The following RC3H2 variants were observed in gnomAD, a reference collection of about 807,000 sequenced individuals.
The protein encoded by RC3H2 is ring finger and CCCH-type domains 2.
A neutral mutation model predicts 133.3 loss-of-function variants in RC3H2; 31 were observed. The ratio of observed to expected loss-of-function variants is 0.23; its 90% confidence interval spans 0.17 to 0.31. The LOEUF (loss-of-function observed/expected upper bound fraction) is 0.31, where lower values mean the gene tolerates loss of function less well. RC3H2 is among the 10% of genes least tolerant of loss of function. RC3H2 has a pLI of 1.00. For missense variants in RC3H2, 1,175 were observed against 1,437.2 expected (o/e 0.82, Z 2.95); for synonymous variants, 517 against 502.2 (o/e 1.03, Z -0.40).
Position 122,877,401 on chromosome 9 carries a change from A to G in RC3H2, c.1325+70T>C, listed in dbSNP as rs943574376. Reference sequence around the variant, plus strand: ...ATTTTTGAAAGTCATCACAAACTTCAGGACTGTATATAACATTCCCATAAA... The same window carrying G: ...ATTTTTGAAAGTCATCACAAACTTCGGGACTGTATATAACATTCCCATAAA... On this transcript the variant is annotated intron_variant, in intron 9 of 20. Coordinates refer to ENST00000357244, the MANE Select transcript of RC3H2 (RefSeq NM_001100588.3). 1.2e-5 allele frequency: 15 copies of G among 1,203,718 alleles called. No homozygotes were observed. In the Admixed American group the frequency reaches 2.6e-4, roughly 21 times the overall value. 74.6% of individuals were successfully genotyped at this position (1,203,718 alleles called of 1,614,324 possible).
At chr9:122,898,550 G>C in intron 1 of RC3H2, among the ~76,000 whole-genome samples, 1 of 152,060 alleles carries the variant, frequency 6.6e-6, no homozygotes, top group Non-Finnish European at 1.5e-5. Context: ...AGGAGCTTGA[G>C]AACAGCCTGA....
chr9:122,871,940 C>T (rs954985068), intron 9 of RC3H2, among the ~76,000 whole-genome samples: 1 of 151,882 alleles, frequency 6.6e-6, no homozygotes, highest in Non-Finnish European at 1.5e-5. Context: ...CCATGCCCAG[C>T]CAATTTTTTT....
intron 9 of RC3H2, among the ~76,000 whole-genome samples, chr9:122,868,476 T>C (rs1342168252): frequency 1.4e-4 from 21 of 151,624 alleles, no homozygotes; most frequent in Non-Finnish European, 3.0e-4. Flanking sequence ...ATGTGCTGTG[T>C]CCACTCAGGG....
intron 10 of RC3H2, among the ~76,000 whole-genome samples, chr9:122,863,059 T>C (rs1422901768): frequency 6.6e-6 from 1 of 152,178 alleles, no homozygotes; most frequent in African/African-American, 2.4e-5. Flanking sequence ...AAGAGAAACC[T>C]GTACCCATTA....
At chr9:122,855,644 T>G in intron 14 of RC3H2, 88 bp downstream of exon 14, 1 of 1,422,172 alleles carries the variant, frequency 7.0e-7, no homozygotes, top group East Asian at 2.3e-5. Flanking sequence ...ACAATATGAA[T>G]GAATGAATAG....
At chr9:122,890,284 A>C (rs968646485) in intron 4 of RC3H2, 28 bp downstream of exon 4, 2 of 1,593,744 alleles carry the variant, frequency 1.3e-6, no homozygotes, top group African/African-American at 2.7e-5. Flanking sequence ...ATAGCTAATA[A>C]AAAAGGTAAG....
intron 1 of RC3H2, among the ~76,000 whole-genome samples, chr9:122,899,378 C>T (rs111690729): frequency 3.9e-5 from 6 of 152,168 alleles, no homozygotes; most frequent in African/African-American, 1.4e-4. Context: ...GCGTGAGCCA[C>T]CGCGCCCGGC....
intron 4 of RC3H2, among the ~76,000 whole-genome samples, chr9:122,884,280 G>A (rs940997105): frequency 2.6e-5 from 4 of 151,882 alleles, no homozygotes; most frequent in African/African-American, 7.3e-5. Context: ...GCAACAATGC[G>A]AGACTCCGTC....
At position 122,901,661 on chromosome 9, in the gene RC3H2, G is replaced by A. The variant is rs1832654648; in HGVS notation, c.-68+3449C>T. 2.0e-5 allele frequency among the ~76,000 whole-genome samples: 3 copies of A among 147,608 alleles called. No individual in the cohort carries two copies. In the South Asian group the frequency reaches 6.4e-4, roughly 31 times the overall value. On this transcript the variant is annotated intron_variant, in intron 1 of 20. Transcript: ENST00000357244. ...GGCTGGAGTGCGGTGGTGCGATTTC[G>A]GCTCACTGCAACCTCCGCCTCCCGG...
In RC3H2 at chr9:122,851,409, T is replaced by A; in HGVS notation, c.3145A>T (p.Thr1049Ser). The change falls in exon 19 of 21, where the codon ACA becomes TCA. Residue 1049 changes from threonine to serine, a missense_variant. Transcript: ENST00000357244. ...ATATCCCTATCAGGTTTAGTATCTG[T>A]TGCATCTTCTGTATAATCACTCTGT... ...ELQSDYTEDATDTKPDRDIEL... is the reference protein window; with the variant it reads ...ELQSDYTEDASDTKPDRDIEL... 3 of 1,614,170 alleles carry A rather than the reference T, an allele frequency of 1.9e-6. No individual in the cohort carries two copies. Among genetic ancestry groups the A allele is most frequent in the Non-Finnish European group, 2.5e-6 (3 of 1,180,018 alleles).
In RC3H2 at chr9:122,849,310, T is replaced by C. The variant is rs1351060187; in HGVS notation, c.*317A>G. 1 of 152,264 alleles carries C rather than the reference T, an allele frequency of 6.6e-6. No homozygotes were observed. The highest frequency in any genetic ancestry group is 1.5e-5 in the Non-Finnish European group (1 of 68,172). The allele number at this position is 152,264 out of a possible 1,614,324, so 9.4% of individuals were successfully genotyped here. On this transcript the variant is annotated 3_prime_UTR_variant, in exon 21 of 21. Coordinates refer to ENST00000357244, the MANE Select transcript of RC3H2 (RefSeq NM_001100588.3). Reference sequence around the variant, plus strand: ...AATTTTCTATAGAAGCCATTTAAAATAGGAAATGGCTCAGTTACTGCACCG... The same window carrying C: ...AATTTTCTATAGAAGCCATTTAAAACAGGAAATGGCTCAGTTACTGCACCG...
At chr9:122,893,112 G>GT in intron 2 of RC3H2, 86 bp from the exon 3 acceptor site, 2 of 1,497,718 alleles carry the variant, frequency 1.3e-6, no homozygotes, top group South Asian at 2.6e-5. Flanking sequence ...AATAATCTTG[G>GT]TGAGTATAAA....
chr9:122,868,887 G>T (rs1454639929), intron 9 of RC3H2, among the ~76,000 whole-genome samples: 1 of 10,066 alleles, frequency 9.9e-5, no homozygotes, highest in African/African-American at 2.2e-4. Context: ...GTGTGTGTGT[G>T]TGTATGTGTT....
intron 9 of RC3H2, among the ~76,000 whole-genome samples, chr9:122,868,635 A>ATT (rs1830868056): frequency 6.6e-6 from 1 of 151,640 alleles, no homozygotes; most frequent in Non-Finnish European, 1.5e-5. Context: ...GCCTAGGAAA[A>ATT]CCAGAGACCT....
intron 10 of RC3H2, among the ~76,000 whole-genome samples, chr9:122,860,954 T>TAAA (rs1224079777): frequency 2.0e-5 from 3 of 152,086 alleles, no homozygotes; most frequent in Non-Finnish European, 4.4e-5. Context: ...CCCCAGCACC[T>TAAA]AAAACAGCTC....
chr9:122,882,711 C>T (rs915290401), intron 5 of RC3H2, among the ~76,000 whole-genome samples: 1 of 152,198 alleles, frequency 6.6e-6, no homozygotes, highest in Non-Finnish European at 1.5e-5. Context: ...AAAACAACAT[C>T]TAAAAGCAGA....
chr9:122,867,462 G>T (rs1257664528), intron 9 of RC3H2, among the ~76,000 whole-genome samples: 1 of 149,258 alleles, frequency 6.7e-6, no homozygotes, highest in South Asian at 2.1e-4. Context: ...GAGGTGGGGG[G>T]GTCAGCCCCC....
At chr9:122,884,279 C>T (rs1047205629) in intron 4 of RC3H2, among the ~76,000 whole-genome samples, 5 of 151,762 alleles carry the variant, frequency 3.3e-5, no homozygotes, top group Admixed American at 1.3e-4. Flanking sequence ...AGCAACAATG[C>T]GAGACTCCGT....
chr9:122,898,483 C>T (rs916338194), intron 1 of RC3H2, among the ~76,000 whole-genome samples: 2 of 152,116 alleles, frequency 1.3e-5, no homozygotes, highest in Non-Finnish European at 2.9e-5. Context: ...GGCGTGGTGG[C>T]TCACACCTAT....
Sources: gnomAD v4.1 joint callset for allele counts (sites outside exome capture counted in the v4.1 genomes callset) on GRCh38, gnomAD v4.1.1 for gene constraint, MANE v1.5 for transcripts, NCBI Gene and HGNC (gene_info 2026-07-23, HGNC 2026-07-21) for gene names.